Variants in NIBAN1 observed in about 807,000 individuals in gnomAD.
NIBAN1 encodes protein Niban 1.
NIBAN1 carries 81 observed loss-of-function variants against 75.1 expected under a neutral mutation model. The ratio of observed to expected loss-of-function variants is 1.08; its 90% CI spans 0.90 to 1.30. The LOEUF (loss-of-function observed/expected upper bound fraction) is 1.30, where lower values mean the gene tolerates loss of function less well. Among genes scored for constraint, NIBAN1 ranks in the 50% most tolerant of loss-of-function variants. NIBAN1 has a pLI of 0.00. For synonymous variants in NIBAN1, 436 were observed against 424.8 expected (o/e 1.03, Z -0.32); for missense variants, 1,133 against 1,128.1 (o/e 1.00, Z -0.06).
chr1:184,831,710 T>G, intron 6 of NIBAN1, 137 bp downstream of exon 6: 1 of 651,694 alleles, frequency 1.5e-6, no homozygotes, highest in Non-Finnish European at 2.7e-6. Flanking sequence ...CTTGCAGACA[T>G]GAGAGAGATG....
intron 2 of NIBAN1, 130 bp downstream of exon 2, chr1:184,899,049 G>A: frequency 1.0e-6 from 1 of 1,002,602 alleles, no homozygotes; most frequent in Non-Finnish European, 1.5e-6. Flanking sequence ...AGAGTTTTTT[G>A]AGCATGAAAC....
At chr1:184,812,375 T>C (rs1409582989) in intron 9 of NIBAN1, among the ~76,000 whole-genome samples, 1 of 152,184 alleles carries the variant, frequency 6.6e-6, no homozygotes, top group African/African-American at 2.4e-5. Flanking sequence ...ATAATTTTCC[T>C]TTATGACGTG....
chr1:184,873,585 C>T (rs1656163868), intron 5 of NIBAN1, among the ~76,000 whole-genome samples: 1 of 152,320 alleles, frequency 6.6e-6, no homozygotes, highest in South Asian at 2.1e-4. Flanking sequence ...TAACCCTTAT[C>T]TTCCACTAGA....
At chr1:184,929,583 A>G (rs1657770782) in intron 1 of NIBAN1, among the ~76,000 whole-genome samples, 1 of 152,168 alleles carries the variant, frequency 6.6e-6, no homozygotes, top group Non-Finnish European at 1.5e-5. Context: ...CACCTCCAAA[A>G]AAGAAGATAT....
chr1:184,826,915 G>T (rs1351170713), intron 6 of NIBAN1, among the ~76,000 whole-genome samples: 1 of 152,082 alleles, frequency 6.6e-6, no homozygotes, highest in Admixed American at 6.6e-5. Flanking sequence ...TTGAATTGTA[G>T]CTCCTATAAT....
At chr1:184,842,764 C>CAAA (rs35757389) in intron 5 of NIBAN1, among the ~76,000 whole-genome samples, 5 of 120,668 alleles carry the variant, frequency 4.1e-5, no homozygotes, top group Admixed American at 8.8e-5. Context: ...AACTCTGTCT[C>CAAA]AAAAAAAAAA....
chr1:184,805,765 C>T, intron 11 of NIBAN1, 181 bp downstream of exon 11: 1 of 595,768 alleles, frequency 1.7e-6, no homozygotes, highest in Non-Finnish European at 3.0e-6. Flanking sequence ...CGCTAGATGG[C>T]AGAAGAGGCA....
intron 3 of NIBAN1, among the ~76,000 whole-genome samples, chr1:184,890,665 G>A (rs1402863025): frequency 6.6e-6 from 1 of 152,204 alleles, no homozygotes; most frequent in African/African-American, 2.4e-5. Flanking sequence ...TGTGGAACAC[G>A]TAGCTGCAAT....
intron 6 of NIBAN1, among the ~76,000 whole-genome samples, 156 bp from the exon 7 acceptor site, chr1:184,823,898 T>C (rs984169072): frequency 1.3e-5 from 2 of 152,100 alleles, no homozygotes; most frequent in Non-Finnish European, 2.9e-5. Context: ...GCCACAGAAA[T>C]CTCAACTAAG....
chr1:184,928,530 C>T (rs1287003507), intron 1 of NIBAN1, among the ~76,000 whole-genome samples: 1 of 152,134 alleles, frequency 6.6e-6, no homozygotes, highest in Non-Finnish European at 1.5e-5. Context: ...GCGTGATTCC[C>T]CTCTGGCTAG....
In NIBAN1 at chr1:184,897,314, G is replaced by C. The variant is rs1656826857; in HGVS notation, c.186+1865C>G. Among the ~76,000 whole-genome samples the C allele has an allele frequency of 2.6e-5, 4 of 151,108 alleles. 1 individual carries two copies. In the South Asian group the frequency reaches 8.4e-4, roughly 32 times the overall value. On this transcript the variant is annotated intron_variant, in intron 2 of 13. Coordinates refer to ENST00000367511, the MANE Select transcript of NIBAN1 (RefSeq NM_052966.4). ...TGTGTGTGTGTGTGTGTGTGTGTGT[G>C]TGTGGTGGGTGGGGGTGGCTATTAT...
rs546449063 is a variant in NIBAN1 at position 184,825,197 on chromosome 1, C to T, written c.718-1455G>A. On this transcript the variant is annotated intron_variant, in intron 6 of 13. Transcript: ENST00000367511. ...CATTTCCTGAAAGTCAAGATTGGCT[C>T]ATGAAAAGTTGTTAAACAACATGCT... 7.2e-5 allele frequency among the ~76,000 whole-genome samples: 11 copies of T among 152,260 alleles called. No homozygotes were observed. The South Asian group carries it at 1.7e-3, about 23-fold the overall frequency.
At chr1:184,973,999 G>A (rs1659004451) in intron 1 of NIBAN1, among the ~76,000 whole-genome samples, 1 of 152,194 alleles carries the variant, frequency 6.6e-6, no homozygotes, top group African/African-American at 2.4e-5. Context: ...GGTACTGGAG[G>A]GCGAAGTGCG....
At chr1:184,893,808 A>G (rs1656731230) in intron 3 of NIBAN1, among the ~76,000 whole-genome samples, 1 of 152,244 alleles carries the variant, frequency 6.6e-6, no homozygotes, top group South Asian at 2.1e-4. Flanking sequence ...TCTTGCCACT[A>G]GACGGCAAGC....
chr1:184,821,861 AC>A (rs1350294374), intron 8 of NIBAN1, among the ~76,000 whole-genome samples: 1 of 152,162 alleles, frequency 6.6e-6, no homozygotes, highest in Admixed American at 6.5e-5. Context: ...GTAAATAGAC[AC>A]CCAGAGATAC....
chr1:184,951,692 C>T (rs1451977685), intron 1 of NIBAN1, among the ~76,000 whole-genome samples: 1 of 152,166 alleles, frequency 6.6e-6, no homozygotes, highest in East Asian at 1.9e-4. Context: ...TTGCTTCCTC[C>T]CTTGTCCCCC....
intron 5 of NIBAN1, among the ~76,000 whole-genome samples, chr1:184,858,514 A>T (rs2102272640): frequency 6.6e-6 from 1 of 152,300 alleles, no homozygotes; most frequent in Non-Finnish European, 1.5e-5. Flanking sequence ...CTTCTTATCC[A>T]TCAGCTTGTC....
intron 1 of NIBAN1, among the ~76,000 whole-genome samples, chr1:184,945,291 A>C (rs1290631908): frequency 2.6e-5 from 4 of 152,226 alleles, no homozygotes; most frequent in Admixed American, 1.3e-4. Flanking sequence ...CAATGATGTC[A>C]TGAGAGAACA....
chr1:184,835,240 C>T (rs1655105792), intron 5 of NIBAN1, among the ~76,000 whole-genome samples: 1 of 152,200 alleles, frequency 6.6e-6, no homozygotes, highest in African/African-American at 2.4e-5. Context: ...GTTTTGATTA[C>T]TGTACCCTTG....
Sources: gnomAD v4.1 joint callset for allele counts (sites outside exome capture counted in the v4.1 genomes callset) on GRCh38, gnomAD v4.1.1 for gene constraint, MANE v1.5 for transcripts, NCBI Gene and HGNC (gene_info 2026-07-23, HGNC 2026-07-21) for gene names.